BNC2: variants seen among roughly 807,000 people sequenced by gnomAD.
BNC2 encodes basonuclin zinc finger protein 2, also known as zinc finger protein basonuclin-2.
BNC2 carries 20 observed loss-of-function variants against 76.3 expected under a neutral mutation model. That is an observed-to-expected ratio of 0.26 (90% CI 0.18 to 0.38). The LOEUF is 0.38. Among genes scored for constraint, BNC2 ranks in the 10% least tolerant of loss-of-function variants. The pLI is 1.00. For synonymous variants in BNC2, 582 were observed against 514.8 expected, an observed-to-expected ratio of 1.13 and a Z score of -1.77; for missense variants, 1,382 against 1,399.8, an observed-to-expected ratio of 0.99 and a Z score of 0.20.
rs1563783352 is a variant in BNC2, at chr9:16,437,357, G to A, written c.837C>T (p.Asp279=). 1.9e-6 allele frequency: 3 copies of A among 1,614,040 alleles called. No individual in the cohort carries two copies. Among genetic ancestry groups the A allele is most frequent in the African/African-American group, 2.7e-5 (2 of 75,046 alleles). Residue 279 remains aspartate (D), a synonymous_variant, in exon 6 of 7, where the codon GAC becomes GAT. Transcript: ENST00000380672. ...QAVAVPSSKT[D]SDIRTFIESN... Reference sequence around the variant, plus strand: ...TCTCAATGAAAGTCCTTATATCTGAGTCTGTCTTTGAAGATGGTACAGCCA... The same window carrying A: ...TCTCAATGAAAGTCCTTATATCTGAATCTGTCTTTGAAGATGGTACAGCCA...
At chr9:16,631,914 G>A (rs954968146) in intron 3 of BNC2, among the ~76,000 whole-genome samples, 16 of 152,282 alleles carry the variant, frequency 1.1e-4, no homozygotes, top group Non-Finnish European at 2.1e-4. Flanking sequence ...GGACTAGGGA[G>A]AACAACATGG....
intron 3 of BNC2, among the ~76,000 whole-genome samples, chr9:16,647,809 G>C (rs562689216): frequency 6.6e-6 from 1 of 152,022 alleles, no homozygotes; most frequent in Non-Finnish European, 1.5e-5. Context: ...TTTAATAAAG[G>C]TATCTTATAC....
chr9:16,795,587 G>C (rs1306380572), intron 1 of BNC2, among the ~76,000 whole-genome samples: 1 of 152,036 alleles, frequency 6.6e-6, no homozygotes, highest in Non-Finnish European at 1.5e-5. Context: ...GGAGGATGGT[G>C]ACACCATTAA....
intron 1 of BNC2, among the ~76,000 whole-genome samples, chr9:16,816,441 C>A (rs1818184399): frequency 6.6e-6 from 1 of 152,128 alleles, no homozygotes; most frequent in African/African-American, 2.4e-5. Context: ...CTGTTAAATA[C>A]CAAGCTGGGC....
At chr9:16,690,483 ATACT>A (rs1476994632) in intron 3 of BNC2, among the ~76,000 whole-genome samples, 1 of 152,230 alleles carries the variant, frequency 6.6e-6, no homozygotes, top group East Asian at 1.9e-4. Context: ...ACATACATAC[ATACT>A]AACGACACAG....
intron 5 of BNC2, among the ~76,000 whole-genome samples, chr9:16,471,613 C>T (rs201301187): frequency 6.6e-6 from 1 of 152,164 alleles, no homozygotes; most frequent in East Asian, 1.9e-4. Context: ...ATTTTACAGG[C>T]CTGTAGGCGG....
At chr9:16,616,416 G>A (rs1210411482) in intron 3 of BNC2, among the ~76,000 whole-genome samples, 1 of 151,498 alleles carries the variant, frequency 6.6e-6, no homozygotes, top group Admixed American at 6.6e-5. Flanking sequence ...AATAAAAGAG[G>A]CCAGACATGG....
At position 16,815,838 on chromosome 9, in the gene BNC2, A is replaced by C. The variant is rs1028159120; in HGVS notation, c.3+54808T>G. On this transcript the variant is annotated intron_variant, in intron 1 of 6. Coordinates refer to ENST00000380672, the MANE Select transcript of BNC2 (RefSeq NM_017637.6). Reference sequence around the variant, plus strand: ...AGGGGCATTATCTTTCAAGTAAGACAGAGTAACTATGCCTTACATTCTTCG... The same window carrying C: ...AGGGGCATTATCTTTCAAGTAAGACCGAGTAACTATGCCTTACATTCTTCG... Among the ~76,000 whole-genome samples the C allele has an allele frequency of 5.3e-5, 8 of 152,316 alleles. No individual in the cohort carries two copies. The South Asian group carries it at 6.2e-4, about 12-fold the overall frequency.
At chr9:16,683,185 C>A (rs894858321) in intron 3 of BNC2, among the ~76,000 whole-genome samples, 1 of 152,114 alleles carries the variant, frequency 6.6e-6, no homozygotes, top group Admixed American at 6.6e-5. Flanking sequence ...TCATTGACCA[C>A]AGTAGGGGAT....
At chr9:16,806,609 G>A (rs1418654284) in intron 1 of BNC2, among the ~76,000 whole-genome samples, 3 of 152,130 alleles carry the variant, frequency 2.0e-5, no homozygotes, top group African/African-American at 7.2e-5. Flanking sequence ...AGGGGTGTTG[G>A]AGAAATCAGA....
chr9:16,576,069 C>G (rs1416177529), intron 4 of BNC2, among the ~76,000 whole-genome samples: 2 of 152,200 alleles, frequency 1.3e-5, no homozygotes, highest in East Asian at 3.9e-4. Context: ...CTGGTTCTTA[C>G]TTTGCCACTG....
intron 3 of BNC2, among the ~76,000 whole-genome samples, chr9:16,726,004 A>ACACC (rs1824306809): frequency 1.1e-5 from 1 of 91,772 alleles, no homozygotes; most frequent in African/African-American, 4.9e-5. Flanking sequence ...ACACACACGC[A>ACACC]CACACACACA....
chr9:16,479,733 G>A (rs1461155961), intron 5 of BNC2, among the ~76,000 whole-genome samples: 2 of 152,120 alleles, frequency 1.3e-5, no homozygotes, highest in South Asian at 4.1e-4. Context: ...AAGTGCTTAA[G>A]TTAGGCTAAT....
Position 16,435,858 on chromosome 9 carries a change from G to C in BNC2, c.2336C>G (p.Thr779Arg). The C allele has an allele frequency of 1.2e-6, 2 of 1,613,788 alleles. No individual in the cohort carries two copies. The highest frequency in any genetic ancestry group is 1.7e-6 in the Non-Finnish European group (2 of 1,179,694). Residue 779 changes from threonine (T) to arginine (R), a missense_variant, in exon 6 of 7, where the codon ACA becomes AGA. Around this residue, in one of 3 missense-constraint regions of BNC2, gnomAD observed 798 missense variants for 775.5 expected, o/e 1.03. Transcript: ENST00000380672. Reference protein sequence around the residue: ...QDVIKVKEEFTDPTYDMFYMS... With the variant: ...QDVIKVKEEFRDPTYDMFYMS... Reference sequence around the variant, plus strand: ...GTAAAACATGTCGTAAGTGGGGTCTGTAAATTCTTCCTTCACCTTGATGAC... The same window carrying C: ...GTAAAACATGTCGTAAGTGGGGTCTCTAAATTCTTCCTTCACCTTGATGAC...
Position 16,457,640 on chromosome 9 carries a change from G to A in BNC2, c.670-20116C>T, listed in dbSNP as rs535770042. ...CAGTTTTTGTGGGAGTGGTCACGTA[G>A]GCATGCTTTGCCTAGCATGGACCAA... On this transcript the variant is annotated intron_variant, in intron 5 of 6. Transcript: ENST00000380672. Among the ~76,000 whole-genome samples the A allele has an allele frequency of 8.5e-5, 13 of 152,298 alleles. 2 individuals carry two copies. In the South Asian group the frequency reaches 2.5e-3, roughly 29 times the overall value.
At chr9:16,573,126 G>A (rs1295878836) in intron 4 of BNC2, among the ~76,000 whole-genome samples, 3 of 151,514 alleles carry the variant, frequency 2.0e-5, no homozygotes, top group Non-Finnish European at 4.4e-5. Context: ...TACTCAGGAG[G>A]CTGAGGTGGG....
chr9:16,525,258 A>G (rs1668616951), intron 5 of BNC2, among the ~76,000 whole-genome samples: 1 of 152,204 alleles, frequency 6.6e-6, no homozygotes, highest in South Asian at 2.1e-4. Context: ...AAAACTTAAA[A>G]AAAGAAAACC....
At chr9:16,709,655 T>G (rs1422346680) in intron 3 of BNC2, among the ~76,000 whole-genome samples, 1 of 152,254 alleles carries the variant, frequency 6.6e-6, no homozygotes, top group Non-Finnish European at 1.5e-5. Flanking sequence ...TTCCTAATTA[T>G]TCCTTAATAA....
In BNC2 at chr9:16,435,812, G is replaced by A; in HGVS notation, c.2382C>T (p.Tyr794=). ...CGGCCATGCTGGCACCCCCACCATT[G>A]TACAGTCCATACTGGCTCATGTAAA... ...DMFYMSQYGL[Y]NGGGASMAAL... The change falls in exon 6 of 7, where the codon TAC becomes TAT. Residue 794 remains tyrosine (Y), a synonymous_variant. Coordinates refer to ENST00000380672, the MANE Select transcript of BNC2 (RefSeq NM_017637.6). 6.2e-7 allele frequency: 1 copy of A among 1,614,168 alleles called. No homozygotes were observed. The highest frequency in any genetic ancestry group is 8.5e-7 in the Non-Finnish European group (1 of 1,180,038).
Sources: allele counts gnomAD v4.1 joint callset (sites outside exome capture counted in the v4.1 genomes callset), GRCh38; gene constraint gnomAD v4.1.1; regional missense constraint gnomAD v4.1.1; transcripts MANE v1.5; gene names NCBI Gene and HGNC (gene_info 2026-07-23, HGNC 2026-07-21).